Variants in PTPRD observed in about 807,000 individuals in gnomAD.
PTPRD encodes the protein receptor-type tyrosine-protein phosphatase delta.
A neutral mutation model predicts 214.5 loss-of-function variants in PTPRD; 34 were observed. That is an observed-to-expected ratio of 0.16 (90% confidence interval 0.12 to 0.21). The LOEUF is 0.21. Ranked by LOEUF, PTPRD falls within the 10% of genes least tolerant of loss-of-function variation. The probability of loss-of-function intolerance (pLI) is 1.00; values close to 1 mark genes in which losing one functional copy is unlikely to be tolerated. For synonymous variants in PTPRD, 1,128 were observed against 845.7 expected (o/e 1.33, Z -5.79); for missense variants, 2,545 against 2,398.7 (o/e 1.06, Z -1.27).
chr9:8,830,833 C>A (rs2097273589), intron 11 of PTPRD, among the ~76,000 whole-genome samples: 2 of 152,052 alleles, frequency 1.3e-5, no homozygotes, highest in African/African-American at 2.4e-5. Flanking sequence ...AATCCCAAAA[C>A]CCTACTAGAG....
intron 7 of PTPRD, among the ~76,000 whole-genome samples, chr9:9,685,864 A>T (rs2097157783): frequency 6.6e-6 from 1 of 151,390 alleles, no homozygotes; most frequent in Non-Finnish European, 1.5e-5. Flanking sequence ...AGTAACTTTG[A>T]TTCATTCTTC....
intron 9 of PTPRD, among the ~76,000 whole-genome samples, chr9:9,295,124 G>C (rs1186449557): frequency 6.6e-6 from 1 of 151,556 alleles, no homozygotes; most frequent in African/African-American, 2.4e-5. Flanking sequence ...TGAAAAGCTG[G>C]GTAATCAGGA....
At chr9:9,060,941 G>T (rs1183875478) in intron 10 of PTPRD, among the ~76,000 whole-genome samples, 1 of 152,152 alleles carries the variant, frequency 6.6e-6, no homozygotes, top group Admixed American at 6.5e-5. Flanking sequence ...ATGACTGACA[G>T]CTACTTGCAG....
At chr9:9,929,405 T>G (rs2085546828) in intron 5 of PTPRD, among the ~76,000 whole-genome samples, 1 of 152,094 alleles carries the variant, frequency 6.6e-6, no homozygotes, top group Admixed American at 6.5e-5. Context: ...AAACACTTGT[T>G]TTTTGAGACA....
At chr9:8,865,121 T>C (rs1388215312) in intron 11 of PTPRD, among the ~76,000 whole-genome samples, 1 of 150,496 alleles carries the variant, frequency 6.6e-6, no homozygotes, top group Non-Finnish European at 1.5e-5. Flanking sequence ...GTCTGTTCTG[T>C]TATCACTTTT....
chr9:8,733,965 A>G lies in PTPRD; in HGVS notation c.-103-19T>C. Reference sequence around the variant, plus strand: ...TCAGAGCCTGAAAGCGGGGAGGAAGAGAAAAGAAAAGGAAGAAAACACAAA... The same window carrying G: ...TCAGAGCCTGAAAGCGGGGAGGAAGGGAAAAGAAAAGGAAGAAAACACAAA... On this transcript the variant is annotated intron_variant, in intron 11 of 45. Coordinates refer to ENST00000381196, the MANE Select transcript of PTPRD (RefSeq NM_002839.4). 2.1e-6 allele frequency: 2 copies of G among 973,604 alleles called. No individual in the cohort carries two copies. Among genetic ancestry groups the G allele is most frequent in the South Asian group, 1.4e-5 (1 of 69,268 alleles). 60.3% of individuals were successfully genotyped at this position (973,604 alleles called of 1,614,324 possible). A position where few individuals can be genotyped will look rare whatever the true frequency, so the allele number is the denominator to read the frequency against.
At chr9:9,697,644 T>A (rs926816656) in intron 7 of PTPRD, among the ~76,000 whole-genome samples, 1 of 152,174 alleles carries the variant, frequency 6.6e-6, no homozygotes, top group African/African-American at 2.4e-5. Context: ...AGAGTTTAAT[T>A]ATTATATGCC....
intron 12 of PTPRD, among the ~76,000 whole-genome samples, chr9:8,644,650 C>T (rs1479876356): frequency 6.6e-6 from 1 of 152,220 alleles, no homozygotes; most frequent in Non-Finnish European, 1.5e-5. Context: ...CCACTGCATT[C>T]ACCAGTGCCA....
intron 8 of PTPRD, among the ~76,000 whole-genome samples, chr9:9,494,352 C>T (rs915440624): frequency 2.6e-5 from 4 of 152,154 alleles, no homozygotes; most frequent in South Asian, 2.1e-4. Context: ...TGATATCAAA[C>T]AGCATTGCAT....
chr9:8,640,389 T>C (rs892278750), intron 12 of PTPRD, among the ~76,000 whole-genome samples: 3 of 151,832 alleles, frequency 2.0e-5, no homozygotes, highest in Non-Finnish European at 4.4e-5. Flanking sequence ...GAAATGACCA[T>C]TGGATGCTAC....
intron 8 of PTPRD, among the ~76,000 whole-genome samples, chr9:9,477,662 C>T (rs1355655745): frequency 6.6e-6 from 1 of 152,128 alleles, no homozygotes; most frequent in East Asian, 1.9e-4. Flanking sequence ...GTGCAAGGAA[C>T]TACTACTGGA....
intron 5 of PTPRD, among the ~76,000 whole-genome samples, chr9:9,908,290 C>T (rs2078176237): frequency 6.6e-6 from 1 of 151,882 alleles, no homozygotes. Flanking sequence ...AGAGTTCTTC[C>T]ACACTAATAG....
At chr9:8,407,074 T>C (rs915478531) in intron 35 of PTPRD, among the ~76,000 whole-genome samples, 1 of 152,214 alleles carries the variant, frequency 6.6e-6, no homozygotes, top group Admixed American at 6.5e-5. Flanking sequence ...TCTTGCCACA[T>C]GTTTTCAGCC....
chr9:9,673,017 T>C (rs1412482107), intron 7 of PTPRD, among the ~76,000 whole-genome samples: 2 of 151,946 alleles, frequency 1.3e-5, no homozygotes, highest in Non-Finnish European at 2.9e-5. Context: ...CAAATTAAAA[T>C]ATAAAAATAC....
chr9:10,490,768 G>A (rs1486677121), intron 2 of PTPRD, among the ~76,000 whole-genome samples: 6 of 151,958 alleles, frequency 3.9e-5, no homozygotes, highest in Admixed American at 3.9e-4. Flanking sequence ...TACATTTCAG[G>A]CAAATATTTT....
At chr9:9,552,675 A>G (rs1184127695) in intron 8 of PTPRD, among the ~76,000 whole-genome samples, 2 of 152,058 alleles carry the variant, frequency 1.3e-5, no homozygotes, top group African/African-American at 4.8e-5. Flanking sequence ...TTAGTGCTCA[A>G]GAAGACTAGA....
intron 9 of PTPRD, among the ~76,000 whole-genome samples, chr9:9,270,896 G>A (rs564879983): frequency 6.6e-6 from 1 of 151,360 alleles, no homozygotes; most frequent in South Asian, 2.1e-4. Context: ...TGTAGGGATA[G>A]GAGGAATCAA....
chr9:10,279,794 C>G (rs16925686), intron 3 of PTPRD, among the ~76,000 whole-genome samples: 10,191 of 151,958 alleles, frequency 0.067, 774 homozygotes, highest in Admixed American at 0.17. Flanking sequence ...GGCGTAGTCA[C>G]TAAGTGTGGG....
At chr9:10,189,217 G>T (rs907565912) in intron 3 of PTPRD, among the ~76,000 whole-genome samples, 1 of 152,088 alleles carries the variant, frequency 6.6e-6, no homozygotes, top group Non-Finnish European at 1.5e-5. Context: ...ATCTAGGAAA[G>T]GTCTGGGGAA....
Sources: gnomAD v4.1 joint callset for allele counts (sites outside exome capture counted in the v4.1 genomes callset) on GRCh38, gnomAD v4.1.1 for gene constraint, MANE v1.5 for transcripts, NCBI Gene and HGNC (gene_info 2026-07-23, HGNC 2026-07-21) for gene names.